CADPS2: variants seen among roughly 807,000 people sequenced by gnomAD.
CADPS2 encodes calcium-dependent secretion activator 2.
Under a neutral mutation model 172.5 loss-of-function variants are expected in CADPS2, and 93 were observed. The ratio of observed to expected loss-of-function variants is 0.54; its 90% CI spans 0.46 to 0.64. CADPS2 has a LOEUF of 0.64. Ranked by LOEUF, CADPS2 falls within the 30% of genes least tolerant of loss-of-function variation. CADPS2 has a pLI of 0.00. For missense variants in CADPS2, 1,420 were observed against 1,565.9 expected, an observed-to-expected ratio of 0.91 and a Z score of 1.57; for synonymous variants, 546 against 555.2, an observed-to-expected ratio of 0.98 and a Z score of 0.23.
chr7:122,675,824 G>A (rs564143444), intron 2 of CADPS2, among the ~76,000 whole-genome samples: 3 of 152,110 alleles, frequency 2.0e-5, no homozygotes, highest in South Asian at 4.2e-4. Context: ...TGTTGGGGGC[G>A]CTGGGGGTTA....
rs943262123 is a variant in CADPS2, at chr7:122,880,307, AAGAC to A, written c.339+5688_339+5691del. Among the ~76,000 whole-genome samples, 96 of 152,338 alleles carry A rather than the reference AAGAC, an allele frequency of 6.3e-4. 1 individual carries two copies. The highest frequency in any genetic ancestry group is 2.3e-3 in the African/African-American group (96 of 41,568). ...TTATCTACAGTTGTACAATGAATAA[AAGAC>A]AGTACTGTGAATATAATTTAAAAGC... On this transcript the variant is annotated intron_variant, in intron 1 of 29. Coordinates refer to ENST00000449022, the MANE Select transcript of CADPS2 (RefSeq NM_017954.11).
At chr7:122,751,093 T>G (rs918603794) in intron 1 of CADPS2, among the ~76,000 whole-genome samples, 5 of 152,100 alleles carry the variant, frequency 3.3e-5, no homozygotes, top group African/African-American at 1.2e-4. Flanking sequence ...GGAGATTCAT[T>G]TTCTGGTTTG....
intron 28 of CADPS2, among the ~76,000 whole-genome samples, chr7:122,339,395 T>C (rs1230822005): frequency 1.3e-5 from 2 of 152,286 alleles, no homozygotes; most frequent in East Asian, 3.9e-4. Context: ...CATGTTTTGT[T>C]GATTTCAACT....
intron 9 of CADPS2, among the ~76,000 whole-genome samples, chr7:122,499,794 T>C (rs2059046197): frequency 6.6e-6 from 1 of 152,078 alleles, no homozygotes; most frequent in African/African-American, 2.4e-5. Flanking sequence ...TACAAAGTAA[T>C]ACTTTTATCA....
chr7:122,413,779 G>A (rs2047581466), intron 19 of CADPS2, among the ~76,000 whole-genome samples: 2 of 152,074 alleles, frequency 1.3e-5, no homozygotes, highest in African/African-American at 4.8e-5. Context: ...GTTTTGCTTT[G>A]TTTTTTAAAG....
intron 3 of CADPS2, among the ~76,000 whole-genome samples, chr7:122,645,418 T>TG (rs1554687901): frequency 9.7e-6 from 1 of 103,174 alleles, no homozygotes; most frequent in Admixed American, 9.6e-5. Flanking sequence ...TACACACATG[T>TG]ATATGTGTGT....
chr7:122,345,463 T>G, intron 28 of CADPS2, 111 bp downstream of exon 28: 1 of 662,146 alleles, frequency 1.5e-6, no homozygotes, highest in Admixed American at 2.8e-5. Flanking sequence ...GTATAGAAGA[T>G]ACAGGATCAC....
chr7:122,878,556 C>T (rs1821940047), intron 1 of CADPS2, among the ~76,000 whole-genome samples: 2 of 151,128 alleles, frequency 1.3e-5, no homozygotes, highest in African/African-American at 4.9e-5. Flanking sequence ...AGGAGAATGG[C>T]GTGAACCCAG....
intron 6 of CADPS2, among the ~76,000 whole-genome samples, chr7:122,612,238 G>T (rs1462513759): frequency 6.6e-6 from 1 of 151,922 alleles, no homozygotes; most frequent in African/African-American, 2.4e-5. Context: ...ATCTAAATTA[G>T]ACAGGAAGAA....
intron 1 of CADPS2, among the ~76,000 whole-genome samples, chr7:122,875,694 T>A (rs1821026566): frequency 6.6e-6 from 1 of 152,288 alleles, no homozygotes; most frequent in Non-Finnish European, 1.5e-5. Context: ...TGATTAAATA[T>A]GTAAATACTG....
At chr7:122,353,963 AT>A (rs781630856) in intron 27 of CADPS2, among the ~76,000 whole-genome samples, 3 of 151,206 alleles carry the variant, frequency 2.0e-5, no homozygotes, top group South Asian at 2.1e-4. Context: ...TATCTCTTAG[AT>A]TTTTTTTCCC....
intron 2 of CADPS2, among the ~76,000 whole-genome samples, chr7:122,699,910 C>T (rs531192355): frequency 2.0e-5 from 3 of 152,180 alleles, no homozygotes; most frequent in Admixed American, 2.0e-4. Flanking sequence ...AAGGTGCACA[C>T]TTAAAGTTAA....
intron 2 of CADPS2, chr7:122,697,786 CATCAAGGTGAAGGATG>C (rs2085348919): frequency 6.4e-7 from 1 of 1,564,052 alleles, no homozygotes; most frequent in African/African-American, 1.4e-5. Flanking sequence ...AAAGTCATGC[CATCAAGGTGAAGGATG>C]AACATCTTCC....
chr7:122,504,328 C>T (rs1284126830), intron 9 of CADPS2, among the ~76,000 whole-genome samples: 1 of 152,168 alleles, frequency 6.6e-6, no homozygotes, highest in East Asian at 1.9e-4. Context: ...CCACCACCCT[C>T]CTCTCACTTT....
intron 1 of CADPS2, among the ~76,000 whole-genome samples, chr7:122,739,427 T>C (rs1486728607): frequency 2.0e-5 from 3 of 152,238 alleles, no homozygotes; most frequent in African/African-American, 7.2e-5. Flanking sequence ...ACATCATTAG[T>C]ATTTAAGTTC....
At chr7:122,534,820 A>G (rs918717454) in intron 8 of CADPS2, among the ~76,000 whole-genome samples, 3 of 152,114 alleles carry the variant, frequency 2.0e-5, no homozygotes, top group African/African-American at 4.8e-5. Flanking sequence ...ATATGTGAAT[A>G]TCCAAGGTTC....
At chr7:122,653,887 T>C (rs1008732190) in intron 3 of CADPS2, among the ~76,000 whole-genome samples, 1 of 152,166 alleles carries the variant, frequency 6.6e-6, no homozygotes, top group African/African-American at 2.4e-5. Flanking sequence ...TCCTCATTTC[T>C]TTCCCTCCGC....
At chr7:122,418,169 C>CA (rs112532888) in intron 17 of CADPS2, among the ~76,000 whole-genome samples, 313 of 108,988 alleles carry the variant, frequency 2.9e-3, no homozygotes, top group Admixed American at 3.3e-3. Flanking sequence ...GACTCCATCT[C>CA]AAAAAAAAAA....
chr7:122,612,682 C>T (rs906865838), intron 6 of CADPS2, among the ~76,000 whole-genome samples: 26 of 151,964 alleles, frequency 1.7e-4, no homozygotes, highest in Non-Finnish European at 3.5e-4. Flanking sequence ...ATAATCTTTA[C>T]AAAAGTTGAT....
Sources: gnomAD v4.1 joint callset for allele counts (sites outside exome capture counted in the v4.1 genomes callset) on GRCh38, gnomAD v4.1.1 for gene constraint, MANE v1.5 for transcripts, NCBI Gene and HGNC (gene_info 2026-07-23, HGNC 2026-07-21) for gene names.